PLEKHM2: variants seen among roughly 807,000 people sequenced by gnomAD.
PLEKHM2 encodes the protein pleckstrin homology domain-containing family M member 2.
Under a neutral mutation model 116.3 loss-of-function variants are expected in PLEKHM2, and 77 were observed. That is an observed-to-expected ratio of 0.66 (90% CI 0.55 to 0.80). The LOEUF is 0.80. Among genes scored for constraint, PLEKHM2 ranks in the 30% least tolerant of loss-of-function variants. The pLI is 0.00. For missense variants in PLEKHM2, 1,183 were observed against 1,354.9 expected (o/e 0.87, Z 1.99); for synonymous variants, 562 against 571.0 (o/e 0.98, Z 0.22).
chr1:15,688,684 G>A (rs553927847), intron 1 of PLEKHM2, among the ~76,000 whole-genome samples: 2 of 150,656 alleles, frequency 1.3e-5, no homozygotes, highest in Non-Finnish European at 3.0e-5. Context: ...GATAACAATA[G>A]CAAATTCAAT....
At chr1:15,697,411 T>G (rs867803272) in intron 1 of PLEKHM2, among the ~76,000 whole-genome samples, 16 of 152,228 alleles carry the variant, frequency 1.1e-4, no homozygotes, top group African/African-American at 3.6e-4. Flanking sequence ...AGTCAATCCC[T>G]GTGCTGAGTT....
chr1:15,694,764 T>TG, intron 1 of PLEKHM2, among the ~76,000 whole-genome samples: 1 of 151,924 alleles, frequency 6.6e-6, no homozygotes, highest in East Asian at 1.9e-4. Context: ...TTGTTTTTTT[T>TG]TTTTGTTTTT....
upstream of PLEKHM2, chr1:15,682,885 T>C (rs1406966301): frequency 5.9e-5 from 9 of 152,044 alleles, no homozygotes; most frequent in Admixed American, 5.9e-4. Flanking sequence ...TGTGTCAGGA[T>C]ATATTTATTT....
Position 15,684,432 on chromosome 1 carries a change from C to T in PLEKHM2, c.-127C>T. ...GGCGGCGGGCGCCGGGCCCCGCGGC[C>T]GGCACGACGGAGCCCCCGTACGGCC... is the stretch of plus-strand genomic sequence containing the variant. On this transcript the variant is annotated 5_prime_UTR_variant, in exon 1 of 20. Transcript: ENST00000375799. The T allele has an allele frequency of 2.6e-6, 1 of 390,726 alleles. No homozygotes were observed. The highest frequency in any genetic ancestry group is 3.5e-6 in the Non-Finnish European group (1 of 288,922). The allele number at this position is 390,726 out of a possible 1,614,324, so 24.2% of individuals were successfully genotyped here.
chr1:15,689,067 C>T (rs1007403702), intron 1 of PLEKHM2, among the ~76,000 whole-genome samples: 5 of 151,736 alleles, frequency 3.3e-5, no homozygotes, highest in African/African-American at 1.2e-4. Flanking sequence ...TGACCAACAT[C>T]GAGAAACCCC....
At chr1:15,731,515 C>T (rs1431669064) in intron 16 of PLEKHM2, among the ~76,000 whole-genome samples, 2 of 152,140 alleles carry the variant, frequency 1.3e-5, no homozygotes, top group African/African-American at 2.4e-5. Context: ...CAGAAGCTCC[C>T]GGCCTGATGG....
chr1:15,729,793 G>A lies in PLEKHM2; in HGVS notation c.2076-4G>A, dbSNP rs772810642. 4.3e-5 allele frequency: 70 copies of A among 1,610,956 alleles called. No homozygotes were observed. In the Admixed American group the frequency reaches 5.0e-4, roughly 12 times the overall value. Reference sequence around the variant, plus strand: ...TCTAACCACAAACCTCACTCCCTATGCAGGTTCTTTTTGGCTTCTTTGAAG... The same window carrying A: ...TCTAACCACAAACCTCACTCCCTATACAGGTTCTTTTTGGCTTCTTTGAAG... On this transcript the variant is annotated splice_region_variant and splice_polypyrimidine_tract_variant and intron_variant, in intron 13 of 19. Coordinates refer to ENST00000375799, the MANE Select transcript of PLEKHM2 (RefSeq NM_015164.4). This position sits in a 1 kb window ranked among gnomAD's most constrained non-coding sequence, Gnocchi z 4.7.
chr1:15,733,693 AG>A, intron 19 of PLEKHM2, 103 bp from the exon 20 acceptor site: 1 of 1,255,686 alleles, frequency 8.0e-7, no homozygotes, highest in Non-Finnish European at 1.1e-6. Context: ...AGGGCCTGAC[AG>A]GGGCTCCGTG....
At chr1:15,699,299 C>T (rs1571028281) in intron 1 of PLEKHM2, among the ~76,000 whole-genome samples, 1 of 152,084 alleles carries the variant, frequency 6.6e-6, no homozygotes, top group African/African-American at 2.4e-5. Flanking sequence ...CCCATTAACT[C>T]GTCATTTACA....
intron 3 of PLEKHM2, 28 bp from the exon 4 acceptor site, chr1:15,717,865 T>A (rs765492018): frequency 6.8e-7 from 1 of 1,474,426 alleles, no homozygotes; most frequent in Admixed American, 1.9e-5. Flanking sequence ...GAGGCCTTCC[T>A]GCCGGTTACT....
intron 7 of PLEKHM2, among the ~76,000 whole-genome samples, chr1:15,724,296 A>G (rs543388155): frequency 6.6e-6 from 1 of 152,300 alleles, no homozygotes; most frequent in East Asian, 1.9e-4. Context: ...CATCCTGGCC[A>G]ACATGGTGAA....
intron 1 of PLEKHM2, among the ~76,000 whole-genome samples, chr1:15,694,835 G>C (rs1302283092): frequency 1.3e-5 from 2 of 151,510 alleles, no homozygotes; most frequent in Non-Finnish European, 2.9e-5. Flanking sequence ...TCTGCTCACT[G>C]CAACCTTCAC....
In PLEKHM2 at chr1:15,728,996, G is replaced by A. The variant is rs778820212; in HGVS notation, c.1987-106G>A. On this transcript the variant is annotated intron_variant, in intron 12 of 19. Transcript: ENST00000375799. The surrounding 1 kb of genome is among the most constrained non-coding windows in gnomAD (Gnocchi z 5.9). ...CTGGGGCTTTACTTGGTGGTGGCCC[G>A]GGGTGTGCTTCTTCCTCCCCAGCAA... The A allele has an allele frequency of 6.1e-5, 64 of 1,040,830 alleles. No individual in the cohort carries two copies. Among genetic ancestry groups the A allele is most frequent in the Admixed American group, 2.4e-4 (12 of 49,544 alleles). 64.5% of individuals were successfully genotyped at this position (1,040,830 alleles called of 1,614,324 possible).
chr1:15,732,591 C>G (rs752216850), intron 18 of PLEKHM2, 21 bp from the exon 19 acceptor site: 1 of 1,596,730 alleles, frequency 6.3e-7, no homozygotes, highest in African/African-American at 1.3e-5. Flanking sequence ...GCTGCTCACC[C>G]GGGGGCCTGG....
intron 1 of PLEKHM2, among the ~76,000 whole-genome samples, chr1:15,699,388 C>T (rs550568400): frequency 1.2e-4 from 19 of 152,212 alleles, no homozygotes; most frequent in Admixed American, 1.0e-3. Flanking sequence ...TTCCCCGCCC[C>T]GTGTCCAAGT....
intron 1 of PLEKHM2, among the ~76,000 whole-genome samples, chr1:15,699,515 C>G (rs1017946220): frequency 2.0e-5 from 3 of 152,190 alleles, no homozygotes; most frequent in Non-Finnish European, 4.4e-5. Context: ...CTGCAAAGGA[C>G]ATGAACTCAT....
intron 1 of PLEKHM2, among the ~76,000 whole-genome samples, chr1:15,695,300 C>T (rs1640972023): frequency 6.6e-6 from 1 of 152,162 alleles, no homozygotes; most frequent in Non-Finnish European, 1.5e-5. Flanking sequence ...GGTAATCAAC[C>T]TTCATTGTTC....
rs1280546261 is a variant in PLEKHM2 at position 15,733,786 on chromosome 1, C to T, written c.2923-11C>T. The T allele has an allele frequency of 6.2e-7, 1 of 1,611,952 alleles. No individual in the cohort carries two copies. Among genetic ancestry groups the T allele is most frequent in the African/African-American group, 1.3e-5 (1 of 74,932 alleles). On this transcript the variant is annotated splice_polypyrimidine_tract_variant and intron_variant, in intron 19 of 19. Coordinates refer to ENST00000375799, the MANE Select transcript of PLEKHM2 (RefSeq NM_015164.4). ...GTGGCCCTCATCTGTTCTCTGCACG[C>T]CCCAACACAGGTGGACCTCCCCCAC...
At chr1:15,686,609 T>C (rs543493897) in intron 1 of PLEKHM2, among the ~76,000 whole-genome samples, 2 of 151,462 alleles carry the variant, frequency 1.3e-5, no homozygotes, top group Non-Finnish European at 2.9e-5. Flanking sequence ...GCCTCTCGAG[T>C]AGCTGGGATT....
Sources: allele counts gnomAD v4.1 joint callset (sites outside exome capture counted in the v4.1 genomes callset), GRCh38; gene constraint gnomAD v4.1.1; non-coding constraint Gnocchi (gnomAD v3.1); transcripts MANE v1.5; gene names NCBI Gene and HGNC (gene_info 2026-07-23, HGNC 2026-07-21).